Variants in MRAP2 observed in about 807,000 individuals in gnomAD.
The protein encoded by MRAP2 is melanocortin-2 receptor accessory protein 2.
A neutral mutation model predicts 17.4 loss-of-function variants in MRAP2; 20 were observed. The observed-to-expected ratio is 1.15, with a 90% confidence interval of 0.81 to 1.67. MRAP2 has a LOEUF of 1.67. MRAP2 is among the 40% of genes most tolerant of loss of function. MRAP2 has a pLI of 0.00. For missense variants in MRAP2, 238 were observed against 240.0 expected, an observed-to-expected ratio of 0.99 and a Z score of 0.05; for synonymous variants, 96 against 88.4, an observed-to-expected ratio of 1.09 and a Z score of -0.48.
At chr6:84,125,059 C>A in the MRAP2 span, 1 of 1,602,864 alleles carries the variant, frequency 6.2e-7, no homozygotes, top group Non-Finnish European at 8.5e-7. Context: ...ATTATGAAAT[C>A]TGAATTTCTA....
At position 84,055,437 on chromosome 6, in the gene MRAP2, C is replaced by T. The variant is rs1453561767; in HGVS notation, c.119C>T (p.Ala40Val). Reference sequence around the variant, plus strand: ...CCAGTTTCCTTTGAAGGACTGAAGGCTCATAAATGTAAGTTTTATACAATT... The same window carrying T: ...CCAGTTTCCTTTGAAGGACTGAAGGTTCATAAATGTAAGTTTTATACAATT... Reference protein sequence around the residue: ...IGPVSFEGLKAHKYSIVIGFW... With the variant: ...IGPVSFEGLKVHKYSIVIGFW... Residue 40 changes from alanine to valine, a missense_variant, in exon 2 of 4, where the codon GCT (alanine) becomes GTT (valine). Physicochemically the swap from Ala to Val is moderately conservative, Grantham distance 64. Transcript: ENST00000257776. 2 of 1,611,550 alleles carry T rather than the reference C, an allele frequency of 1.2e-6. No individual in the cohort carries two copies. The highest frequency in any genetic ancestry group is 1.1e-5 in the South Asian group (1 of 90,492).
intron 1 of MRAP2, among the ~76,000 whole-genome samples, chr6:84,046,655 C>T (rs1293023792): frequency 1.3e-5 from 2 of 151,716 alleles, no homozygotes; most frequent in African/African-American, 4.8e-5. Flanking sequence ...GTGGCACGTG[C>T]CTGTTGTCTC....
chr6:84,116,969 C>T, the MRAP2 span, among the ~76,000 whole-genome samples: 1 of 151,970 alleles, frequency 6.6e-6, no homozygotes, highest in Non-Finnish European at 1.5e-5. Context: ...TTCCCTTCTT[C>T]CCTTTTCTTC....
rs2099501566 is a variant in MRAP2 at position 84,090,432 on chromosome 6, G to A, written c.*951G>A. The A allele has an allele frequency of 1.3e-5, 2 of 152,302 alleles. No homozygotes were observed. Among genetic ancestry groups the A allele is most frequent in the Middle Eastern group, 3.4e-3 (1 of 294 alleles). The allele number at this position is 152,302 out of a possible 1,614,324, so 9.4% of individuals were successfully genotyped here. ...CTGGAGACAGCCATCCCCTGCCTCA[G>A]AATAAGTACCAATTCGTAGTACATG... On this transcript the variant is annotated 3_prime_UTR_variant, in exon 4 of 4. Coordinates refer to ENST00000257776, the MANE Select transcript of MRAP2 (RefSeq NM_138409.4).
chr6:84,106,338 C>T, the MRAP2 span, among the ~76,000 whole-genome samples: 1 of 152,284 alleles, frequency 6.6e-6, no homozygotes, highest in South Asian at 2.1e-4. Context: ...AAGGCAAATC[C>T]ATATCCACAC....
intron 1 of MRAP2, among the ~76,000 whole-genome samples, chr6:84,049,149 G>T (rs2099489770): frequency 6.6e-6 from 1 of 152,184 alleles, no homozygotes; most frequent in Admixed American, 6.5e-5. Flanking sequence ...TTCTGGCTGG[G>T]TGCGGTGGCT....
At chr6:84,132,002 G>A in the MRAP2 span, among the ~76,000 whole-genome samples, 1 of 152,106 alleles carries the variant, frequency 6.6e-6, no homozygotes, top group East Asian at 1.9e-4. Flanking sequence ...TCCACGTTTA[G>A]TGCTTCCTTC....
At chr6:84,037,601 G>A (rs943501968) in intron 1 of MRAP2, among the ~76,000 whole-genome samples, 17 of 152,322 alleles carry the variant, frequency 1.1e-4, no homozygotes, top group Admixed American at 2.6e-4. Flanking sequence ...CTGGCATGGC[G>A]GGCTGCAGGT....
At chr6:84,073,903 T>TC (rs34418418) in intron 3 of MRAP2, among the ~76,000 whole-genome samples, 5 of 151,412 alleles carry the variant, frequency 3.3e-5, no homozygotes, top group African/African-American at 1.2e-4. Flanking sequence ...TTTTTTTTTT[T>TC]CTCATCAGCT....
intron 1 of MRAP2, among the ~76,000 whole-genome samples, chr6:84,038,905 A>T (rs534208737): frequency 1.3e-5 from 2 of 152,386 alleles, no homozygotes; most frequent in South Asian, 2.1e-4. Flanking sequence ...GAGGCGCAAT[A>T]GAAAACCAAA....
At chr6:84,083,826 A>T (rs535419369) in intron 3 of MRAP2, among the ~76,000 whole-genome samples, 4 of 152,334 alleles carry the variant, frequency 2.6e-5, no homozygotes, top group African/African-American at 9.6e-5. Context: ...CACACACAAC[A>T]TTAAAACATA....
chr6:84,072,925 G>C (rs2099496560), intron 3 of MRAP2, among the ~76,000 whole-genome samples: 1 of 152,118 alleles, frequency 6.6e-6, no homozygotes, highest in South Asian at 2.1e-4. Flanking sequence ...TTCCCACCAT[G>C]TCCCCACTAA....
chr6:84,057,668 A>G (rs950572223), intron 2 of MRAP2, among the ~76,000 whole-genome samples: 1 of 152,194 alleles, frequency 6.6e-6, no homozygotes, highest in Admixed American at 6.5e-5. Context: ...GTGCAGTACT[A>G]TTTTAAGCAC....
the MRAP2 span, among the ~76,000 whole-genome samples, chr6:84,107,343 A>G: frequency 6.6e-6 from 1 of 152,140 alleles, no homozygotes; most frequent in Admixed American, 6.6e-5. Flanking sequence ...TTTACCTTAG[A>G]AGTAATATCT....
chr6:84,124,995 A>G, the MRAP2 span: 117 of 1,075,068 alleles, frequency 1.1e-4, no homozygotes, highest in African/African-American at 1.5e-3. Context: ...GTTTTTCATA[A>G]GCTGTCCTGA....
intron 3 of MRAP2, among the ~76,000 whole-genome samples, chr6:84,077,028 A>G (rs545887109): frequency 6.6e-6 from 1 of 152,342 alleles, no homozygotes; most frequent in South Asian, 2.1e-4. Context: ...GCTGTTCAGT[A>G]CATGGTATTT....
rs2099501381 is a variant in MRAP2 at position 84,089,711 on chromosome 6, A to C, written c.*230A>C. 1 of 503,128 alleles carries C rather than the reference A, an allele frequency of 2.0e-6. No individual in the cohort carries two copies. Among genetic ancestry groups the C allele is most frequent in the African/African-American group, 1.9e-5 (1 of 52,314 alleles). 31.2% of individuals were successfully genotyped at this position (503,128 alleles called of 1,614,324 possible). A position where few individuals can be genotyped will look rare whatever the true frequency, so the allele number is the denominator to read the frequency against. ...ATACATTTGGAGCTTTGGGAGTATT[A>C]AAGTATTTACACCAAGCTTGTCCAA... On this transcript the variant is annotated 3_prime_UTR_variant, in exon 4 of 4. Coordinates refer to ENST00000257776, the MANE Select transcript of MRAP2 (RefSeq NM_138409.4).
intron 3 of MRAP2, among the ~76,000 whole-genome samples, chr6:84,078,490 TGGGAA>T (rs2068263843): frequency 6.6e-6 from 1 of 152,192 alleles, no homozygotes; most frequent in African/African-American, 2.4e-5. Flanking sequence ...CACCAAATGT[TGGGAA>T]GCAGGTTGCT....
chr6:84,140,889 A>G, the MRAP2 span, among the ~76,000 whole-genome samples: 1 of 152,156 alleles, frequency 6.6e-6, no homozygotes, highest in Non-Finnish European at 1.5e-5. Context: ...ACTTTTTGGT[A>G]CCAGGGACTG....
Sources: gnomAD v4.1 joint callset for allele counts (sites outside exome capture counted in the v4.1 genomes callset) on GRCh38, gnomAD v4.1.1 for gene constraint, MANE v1.5 for transcripts, NCBI Gene and HGNC (gene_info 2026-07-23, HGNC 2026-07-21) for gene names.